FAF1: variants seen among roughly 807,000 people sequenced by gnomAD.
FAF1 encodes Fas associated factor 1.
Under a neutral mutation model 92.5 loss-of-function variants are expected in FAF1, and 25 were observed. The ratio of observed to expected loss-of-function variants is 0.27; its 90% CI spans 0.20 to 0.38. The LOEUF is 0.38. FAF1 is among the 10% of genes least tolerant of loss of function. The pLI, the probability that FAF1 is intolerant of heterozygous loss-of-function variation, is 1.00. For synonymous variants in FAF1, 234 were observed against 273.2 expected (o/e 0.86, Z 1.42); for missense variants, 636 against 793.3 (o/e 0.80, Z 2.38).
intron 8 of FAF1, among the ~76,000 whole-genome samples, chr1:50,605,602 G>C (rs1652340152): frequency 2.0e-5 from 3 of 151,466 alleles, no homozygotes; most frequent in Admixed American, 2.0e-4. Context: ...AATCCACACT[G>C]TGAATTAAAA....
chr1:50,637,271 AC>A (rs1244423648), intron 8 of FAF1, among the ~76,000 whole-genome samples: 5 of 104,142 alleles, frequency 4.8e-5, no homozygotes, highest in African/African-American at 2.4e-4. Flanking sequence ...CCCCATTTCT[AC>A]TAAAAAAAAA....
At chr1:50,482,279 T>A (rs1265832168) in intron 17 of FAF1, among the ~76,000 whole-genome samples, 1 of 152,150 alleles carries the variant, frequency 6.6e-6, no homozygotes, top group African/African-American at 2.4e-5. Context: ...GATTCATCCA[T>A]GTTGTTGAAT....
chr1:50,928,559 G>A (rs950841526), intron 1 of FAF1, among the ~76,000 whole-genome samples: 3 of 147,712 alleles, frequency 2.0e-5, no homozygotes, highest in Admixed American at 6.8e-5. Context: ...CAAGGTGGGC[G>A]GATCACAAGG....
At chr1:50,707,202 C>CAAAAAAAAAAAAA (rs397862445) in intron 6 of FAF1, among the ~76,000 whole-genome samples, 2 of 106,900 alleles carry the variant, frequency 1.9e-5, no homozygotes, top group Admixed American at 1.1e-4. Context: ...GACTCTGTGT[C>CAAAAAAAAAAAAA]AAAAAAAAAA....
At chr1:50,952,121 C>T (rs1414206194) in intron 1 of FAF1, among the ~76,000 whole-genome samples, 1 of 152,200 alleles carries the variant, frequency 6.6e-6, no homozygotes, top group Non-Finnish European at 1.5e-5. Context: ...CTCCATCTCC[C>T]TCATCTCCCG....
intron 8 of FAF1, among the ~76,000 whole-genome samples, chr1:50,655,055 TCACCTCC>T (rs1655044375): frequency 6.6e-6 from 1 of 151,802 alleles, no homozygotes; most frequent in African/African-American, 2.4e-5. Context: ...ACTGCAACCT[TCACCTCC>T]CAGGTTCAAG....
Position 50,561,882 on chromosome 1 carries a change from G to GAAGGAAGGAAGGAAGGAAGA in FAF1, c.1268+5194_1268+5195insTCTTCCTTCCTTCCTTCCTT, listed in dbSNP as rs1553227097. ...GGAAGGAAGGAAGGAAGGAAGGAAG[G>GAAGGAAGGAAGGAAGGAAGA]AAGGAAGGAAGGAAGTTGTGTAAAC... On this transcript the variant is annotated intron_variant, in intron 13 of 18. Transcript: ENST00000396153. 1.4e-3 allele frequency among the ~76,000 whole-genome samples: 202 copies of GAAGGAAGGAAGGAAGGAAGA among 145,208 alleles called. 1 individual carries two copies. Among genetic ancestry groups the GAAGGAAGGAAGGAAGGAAGA allele is most frequent in the African/African-American group, 3.1e-3 (109 of 35,532 alleles).
intron 12 of FAF1, among the ~76,000 whole-genome samples, chr1:50,567,453 G>T (rs976685782): frequency 1.4e-4 from 22 of 152,112 alleles, no homozygotes; most frequent in African/African-American, 5.3e-4. Flanking sequence ...ATCTAATTCT[G>T]CAGACTGCTA....
At chr1:50,723,292 T>G (rs1658487997) in intron 6 of FAF1, among the ~76,000 whole-genome samples, 2 of 151,490 alleles carry the variant, frequency 1.3e-5, no homozygotes, top group Non-Finnish European at 2.9e-5. Flanking sequence ...TCCCAGTTAC[T>G]CAGGAGGCTG....
At chr1:50,908,825 T>C (rs1346240909) in intron 1 of FAF1, among the ~76,000 whole-genome samples, 1 of 152,214 alleles carries the variant, frequency 6.6e-6, no homozygotes, top group Non-Finnish European at 1.5e-5. Flanking sequence ...TGACTCTTTA[T>C]CCAATTTGCC....
At chr1:50,594,992 C>T (rs898478918) in intron 9 of FAF1, among the ~76,000 whole-genome samples, 4 of 151,736 alleles carry the variant, frequency 2.6e-5, no homozygotes, top group African/African-American at 9.7e-5. Flanking sequence ...TCTTTAGGAC[C>T]CCTGTGTGCA....
intron 4 of FAF1, among the ~76,000 whole-genome samples, chr1:50,761,153 C>T (rs1353804041): frequency 3.9e-5 from 6 of 152,180 alleles, no homozygotes; most frequent in Non-Finnish European, 2.9e-5. Context: ...AGTTGAATCT[C>T]TGAATAGACC....
At chr1:50,762,450 C>T (rs1326575073) in intron 4 of FAF1, among the ~76,000 whole-genome samples, 1 of 151,274 alleles carries the variant, frequency 6.6e-6, no homozygotes, top group Non-Finnish European at 1.5e-5. Context: ...TACTACAAGG[C>T]TACAGTAACC....
intron 1 of FAF1, among the ~76,000 whole-genome samples, chr1:50,884,576 T>C (rs1644642202): frequency 6.6e-6 from 1 of 152,124 alleles, no homozygotes; most frequent in East Asian, 1.9e-4. Flanking sequence ...TACTTGTGTA[T>C]GCTGAACCAT....
In FAF1 at chr1:50,790,580, T is replaced by C. The variant is rs375270994; in HGVS notation, c.162-2375A>G. 6.6e-5 allele frequency among the ~76,000 whole-genome samples: 10 copies of C among 152,132 alleles called. 1 individual carries two copies. Among genetic ancestry groups the C allele is most frequent in the Admixed American group, 3.3e-4 (5 of 15,290 alleles). On this transcript the variant is annotated intron_variant, in intron 3 of 18. Coordinates refer to ENST00000396153, the MANE Select transcript of FAF1 (RefSeq NM_007051.3). Reference sequence around the variant, plus strand: ...CTTTTCTCTGACTTAATTTATCTTATGTATTGCCACTTCTTTTTTTTTTTA... The same window carrying C: ...CTTTTCTCTGACTTAATTTATCTTACGTATTGCCACTTCTTTTTTTTTTTA...
chr1:50,630,718 T>C (rs2124207157), intron 8 of FAF1, among the ~76,000 whole-genome samples: 1 of 152,210 alleles, frequency 6.6e-6, no homozygotes, highest in East Asian at 1.9e-4. Context: ...GAAAAGTGTA[T>C]CATATAATAA....
intron 2 of FAF1, among the ~76,000 whole-genome samples, chr1:50,810,593 G>C (rs1343058752): frequency 6.6e-6 from 1 of 152,182 alleles, no homozygotes; most frequent in African/African-American, 2.4e-5. Context: ...AATCAGGCAA[G>C]AGAAAGAAAT....
chr1:50,442,086 A>T (rs921827062), intron 18 of FAF1, among the ~76,000 whole-genome samples: 1 of 152,142 alleles, frequency 6.6e-6, no homozygotes, highest in African/African-American at 2.4e-5. Flanking sequence ...TATTTTAAAA[A>T]TTAAAAAAAA....
At chr1:50,858,219 G>C (rs1389013079) in intron 1 of FAF1, among the ~76,000 whole-genome samples, 1 of 151,586 alleles carries the variant, frequency 6.6e-6, no homozygotes, top group East Asian at 1.9e-4. Context: ...AGACAATAAA[G>C]CAGGAAAAGA....
Sources: allele counts gnomAD v4.1 joint callset (sites outside exome capture counted in the v4.1 genomes callset), GRCh38; gene constraint gnomAD v4.1.1; transcripts MANE v1.5; gene names NCBI Gene and HGNC (gene_info 2026-07-23, HGNC 2026-07-21).